ATG10: variants seen among roughly 807,000 people sequenced by gnomAD.
ATG10 encodes ubiquitin-like-conjugating enzyme ATG10.
A neutral mutation model predicts 32.1 loss-of-function variants in ATG10; 30 were observed. The ratio of observed to expected loss-of-function variants is 0.94; its 90% CI spans 0.70 to 1.27. ATG10 has a LOEUF of 1.27. ATG10 is among the 50% of genes most tolerant of loss of function. The pLI is 0.00. For synonymous variants in ATG10, 87 were observed against 91.5 expected (o/e 0.95, Z 0.28); for missense variants, 233 against 262.3 (o/e 0.89, Z 0.77).
chr5:81,986,310 G>C (rs901437146), intron 1 of ATG10, among the ~76,000 whole-genome samples: 2 of 152,212 alleles, frequency 1.3e-5, no homozygotes, highest in Admixed American at 6.5e-5. Flanking sequence ...GAGGCGCTTC[G>C]TGATCAGCAT....
chr5:82,236,670 A>G (rs1372696922), intron 5 of ATG10, among the ~76,000 whole-genome samples: 3 of 152,204 alleles, frequency 2.0e-5, no homozygotes, highest in Non-Finnish European at 4.4e-5. Context: ...TCTGTGTAGT[A>G]TATGAATTTG....
intron 1 of ATG10, among the ~76,000 whole-genome samples, chr5:81,974,417 T>C (rs1406357878): frequency 1.3e-5 from 2 of 152,190 alleles, no homozygotes; most frequent in Non-Finnish European, 2.9e-5. Context: ...CCTGATCACA[T>C]AGTTTTATAG....
At position 82,140,248 on chromosome 5, in the gene ATG10, G is replaced by A. The variant is rs1419982973; in HGVS notation, c.217-24151G>A. On this transcript the variant is annotated intron_variant, in intron 3 of 7. Coordinates refer to ENST00000282185, the MANE Select transcript of ATG10 (RefSeq NM_031482.5). ...CCCCGTCCGGGAGGGAGGTGGGGGG[G>A]GGTCAGCCCCCCTGCCCGGCCAGCC... Among the ~76,000 whole-genome samples the A allele has an allele frequency of 1.1e-3, 7 of 6,326 alleles. 2 individuals carry two copies. Among genetic ancestry groups the A allele is most frequent in the African/African-American group, 3.1e-3 (7 of 2,278 alleles). 4.2% of individuals were successfully genotyped at this position (6,326 alleles called of 152,430 possible). A position where few individuals can be genotyped will look rare whatever the true frequency, so the allele number is the denominator to read the frequency against.
At chr5:82,189,368 A>G (rs1321652288) in intron 5 of ATG10, among the ~76,000 whole-genome samples, 1 of 152,214 alleles carries the variant, frequency 6.6e-6, no homozygotes, top group African/African-American at 2.4e-5. Flanking sequence ...CAGGAGAGAC[A>G]GACTTTTTCT....
intron 3 of ATG10, among the ~76,000 whole-genome samples, chr5:82,107,295 T>C (rs1294470714): frequency 6.6e-6 from 1 of 152,096 alleles, no homozygotes; most frequent in African/African-American, 2.4e-5. Flanking sequence ...AAGATCAGTT[T>C]TGTCCCTGTA....
intron 3 of ATG10, among the ~76,000 whole-genome samples, chr5:82,094,933 C>T (rs1056070786): frequency 7.2e-5 from 11 of 152,096 alleles, no homozygotes; most frequent in African/African-American, 2.2e-4. Flanking sequence ...TATACAAACA[C>T]ACGAACACAT....
intron 2 of ATG10, among the ~76,000 whole-genome samples, chr5:82,019,641 C>T (rs1425277088): frequency 6.6e-6 from 1 of 152,172 alleles, no homozygotes; most frequent in Non-Finnish European, 1.5e-5. Flanking sequence ...ACCACTCTCT[C>T]CTCTCCCAGT....
intron 4 of ATG10, among the ~76,000 whole-genome samples, chr5:82,173,933 T>C (rs1743905430): frequency 6.6e-6 from 1 of 152,236 alleles, no homozygotes; most frequent in African/African-American, 2.4e-5. Flanking sequence ...TCTTCAGTTT[T>C]CATAAATAAG....
In ATG10 at chr5:82,064,438, A is replaced by G. The variant is rs139714697; in HGVS notation, c.216+5836A>G. 2.6e-4 allele frequency among the ~76,000 whole-genome samples: 39 copies of G among 152,238 alleles called. 1 individual carries two copies. The highest frequency in any genetic ancestry group is 1.7e-3 in the East Asian group (9 of 5,190). On this transcript the variant is annotated intron_variant, in intron 3 of 7. Coordinates refer to ENST00000282185, the MANE Select transcript of ATG10 (RefSeq NM_031482.5). Reference sequence around the variant, plus strand: ...ATATGTAGATATGTGAATGGATATCAAACTTGAGGGAAGGGTTTTTGTGGA... The same window carrying G: ...ATATGTAGATATGTGAATGGATATCGAACTTGAGGGAAGGGTTTTTGTGGA...
chr5:82,155,928 C>T (rs1357557616), intron 3 of ATG10, among the ~76,000 whole-genome samples: 1 of 151,980 alleles, frequency 6.6e-6, no homozygotes, highest in East Asian at 1.9e-4. Context: ...CACAAATCTA[C>T]TGTTGAATAT....
intron 3 of ATG10, among the ~76,000 whole-genome samples, chr5:82,145,385 G>T (rs1581740156): frequency 6.6e-6 from 1 of 151,552 alleles, no homozygotes; most frequent in East Asian, 1.9e-4. Flanking sequence ...ACTTTAATTT[G>T]CCTTTTGACT....
At chr5:82,078,057 G>T (rs762905962) in intron 3 of ATG10, among the ~76,000 whole-genome samples, 1 of 152,060 alleles carries the variant, frequency 6.6e-6, no homozygotes, top group East Asian at 1.9e-4. Flanking sequence ...ATTTTTCTTC[G>T]ATTATAATTT....
intron 2 of ATG10, among the ~76,000 whole-genome samples, chr5:82,003,765 C>T (rs913480282): frequency 6.6e-5 from 10 of 152,166 alleles, no homozygotes; most frequent in Admixed American, 2.0e-4. Context: ...CTTTTTCTTA[C>T]ATGACCTATT....
At chr5:82,122,067 C>A (rs559116610) in intron 3 of ATG10, among the ~76,000 whole-genome samples, 1 of 151,428 alleles carries the variant, frequency 6.6e-6, no homozygotes, top group East Asian at 1.9e-4. Context: ...GGAATGGTAC[C>A]ACATCTTCTT....
At chr5:82,252,903 A>G (rs1747323804) in intron 6 of ATG10, among the ~76,000 whole-genome samples, 1 of 152,188 alleles carries the variant, frequency 6.6e-6, no homozygotes, top group Admixed American at 6.5e-5. Flanking sequence ...AGGAAGTTAC[A>G]GAACAGAGGA....
intron 1 of ATG10, 24 bp from the exon 2 acceptor site, chr5:81,987,535 T>C (rs1561240784): frequency 7.0e-7 from 1 of 1,434,580 alleles, no homozygotes; most frequent in South Asian, 1.2e-5. Context: ...AAGTTGATGC[T>C]AATACTTAGT....
At chr5:81,989,744 G>T (rs1489178318) in intron 2 of ATG10, among the ~76,000 whole-genome samples, 1 of 151,776 alleles carries the variant, frequency 6.6e-6, no homozygotes, top group Non-Finnish European at 1.5e-5. Context: ...GACTACAGGC[G>T]CCCGCCACCA....
intron 2 of ATG10, among the ~76,000 whole-genome samples, chr5:82,036,675 C>A (rs566389083): frequency 6.6e-6 from 1 of 152,030 alleles, no homozygotes; most frequent in Non-Finnish European, 1.5e-5. Context: ...TGTCTTTACT[C>A]CTGTGCATTT....
At position 82,039,761 on chromosome 5, in the gene ATG10, C is replaced by T. The variant is rs141710986; in HGVS notation, c.109-18734C>T. Among the ~76,000 whole-genome samples the T allele has an allele frequency of 7.4e-3, 1,123 of 152,304 alleles. 5 individuals carry two copies. The highest frequency in any genetic ancestry group is 0.012 in the Non-Finnish European group (802 of 68,028). ...GTTTCAGCTATGTCTTGCTTTGTAA[C>T]AAACTATCCCAAAACTAGCCTCATG... On this transcript the variant is annotated intron_variant, in intron 2 of 7. Coordinates refer to ENST00000282185, the MANE Select transcript of ATG10 (RefSeq NM_031482.5).
Sources: gnomAD v4.1 joint callset for allele counts (sites outside exome capture counted in the v4.1 genomes callset) on GRCh38, gnomAD v4.1.1 for gene constraint, MANE v1.5 for transcripts, NCBI Gene and HGNC (gene_info 2026-07-23, HGNC 2026-07-21) for gene names.